Variants in NSD2 observed in about 807,000 individuals in gnomAD.
NSD2 encodes nuclear receptor binding SET domain protein 2.
A neutral mutation model predicts 139.0 loss-of-function variants in NSD2; 12 were observed. The ratio of observed to expected loss-of-function variants is 0.09; its 90% CI spans 0.06 to 0.14. The LOEUF (loss-of-function observed/expected upper bound fraction) is 0.14. Ranked by LOEUF, NSD2 falls within the 10% of genes least tolerant of loss-of-function variation. NSD2 has a pLI of 1.00. For synonymous variants in NSD2, 669 were observed against 648.7 expected, an observed-to-expected ratio of 1.03 and a Z score of -0.48; for missense variants, 1,155 against 1,745.0, an observed-to-expected ratio of 0.66 and a Z score of 6.02.
chr4:1,939,570 C>T, intron 8 of NSD2, 84 bp from the exon 9 acceptor site: 2 of 1,343,574 alleles, frequency 1.5e-6, no homozygotes, highest in Non-Finnish European at 2.1e-6. Flanking sequence ...TTTAGAACTT[C>T]ACTTATTTGA....
At chr4:1,899,144 C>T (rs1253990673) in intron 1 of NSD2, 1 of 152,230 alleles carries the variant, frequency 6.6e-6, no homozygotes, top group Non-Finnish European at 1.5e-5. Flanking sequence ...TTGTCCAGAG[C>T]ACATGAAGCT....
rs569362443 is a variant in NSD2, at chr4:1,893,552, T to G, written c.-29-7074T>G. Reference sequence around the variant, plus strand: ...TCTTTTTTTGTTTTTTGTTTTTTTTTTTTTTTTGTTTTGTTTTGAGACAAG... The same window carrying G: ...TCTTTTTTTGTTTTTTGTTTTTTTTGTTTTTTTGTTTTGTTTTGAGACAAG... On this transcript the variant is annotated intron_variant, in intron 1 of 21. Coordinates refer to ENST00000508803, the MANE Select transcript of NSD2 (RefSeq NM_001042424.3). 5.1e-3 allele frequency among the ~76,000 whole-genome samples: 695 copies of G among 137,002 alleles called. 7 individuals carry two copies. The highest frequency in any genetic ancestry group is 0.017 in the African/African-American group (671 of 39,200). 89.9% of individuals were successfully genotyped at this position (137,002 alleles called of 152,430 possible). A position where few individuals can be genotyped will look rare whatever the true frequency, so the allele number is the denominator to read the frequency against.
rs1723893185 is a variant in NSD2 at position 1,948,668 on chromosome 4, G to T, written c.1882-2404G>T. On this transcript the variant is annotated intron_variant, in intron 9 of 21. Transcript: ENST00000508803. This position sits in a 1 kb window ranked among gnomAD's most constrained non-coding sequence, Gnocchi z 4.5. ...CCTGATCAGGAAATGAGCCTCATGT[G>T]TGTCGTTAACATTTATATATTTCCA... 1.9e-6 allele frequency: 2 copies of T among 1,058,936 alleles called. No individual in the cohort carries two copies. Among genetic ancestry groups the T allele is most frequent in the East Asian group, 1.0e-4 (2 of 19,106 alleles). The allele number at this position is 1,058,936 out of a possible 1,614,324, so 65.6% of individuals were successfully genotyped here.
intron 6 of NSD2, among the ~76,000 whole-genome samples, chr4:1,934,106 A>G (rs1577480569): frequency 6.7e-6 from 1 of 149,898 alleles, no homozygotes; most frequent in East Asian, 2.0e-4. Context: ...TTTTTTTTAG[A>G]CAGAGTTTCG....
At chr4:1,914,745 C>G (rs1028866946) in intron 3 of NSD2, among the ~76,000 whole-genome samples, 8 of 152,304 alleles carry the variant, frequency 5.3e-5, no homozygotes, top group African/African-American at 1.7e-4. Flanking sequence ...CTTCTAGCAT[C>G]CAGAGTTTTT....
At chr4:1,934,860 A>ATAT (rs1722121449) in intron 6 of NSD2, among the ~76,000 whole-genome samples, 1 of 92,216 alleles carries the variant, frequency 1.1e-5, no homozygotes, top group African/African-American at 4.8e-5. Flanking sequence ...AAAAAAAAAA[A>ATAT]AAAAAAAAAA....
At chr4:1,889,294 A>T (rs1470547840) in intron 1 of NSD2, among the ~76,000 whole-genome samples, 1 of 152,030 alleles carries the variant, frequency 6.6e-6, no homozygotes, top group Non-Finnish European at 1.5e-5. Context: ...CTTGGGCTCA[A>T]GCGATCCTCC....
intron 1 of NSD2, among the ~76,000 whole-genome samples, chr4:1,889,111 T>A (rs1219383090): frequency 1.3e-5 from 2 of 151,882 alleles, no homozygotes; most frequent in African/African-American, 4.8e-5. Flanking sequence ...TTGGCCAGGC[T>A]GGTCTGGAAC....
At position 1,942,513 on chromosome 4, in the gene NSD2, G is replaced by A. The variant is rs907388726; in HGVS notation, c.1881+2735G>A. The A allele has an allele frequency of 2.1e-6, 3 of 1,462,768 alleles. No individual in the cohort carries two copies. Among genetic ancestry groups the A allele is most frequent in the Middle Eastern group, 1.8e-4 (1 of 5,476 alleles). 90.6% of individuals were successfully genotyped at this position (1,462,768 alleles called of 1,614,324 possible). A position where few individuals can be genotyped will look rare whatever the true frequency, so the allele number is the denominator to read the frequency against. On this transcript the variant is annotated intron_variant, in intron 9 of 21. Transcript: ENST00000508803. The surrounding 1 kb of genome is among the most constrained non-coding windows in gnomAD (Gnocchi z 4.0). ...GATGTGTGATAATCTGTTTTTACTG[G>A]TATTAATAAACACATACAATGAAGA...
intron 5 of NSD2, among the ~76,000 whole-genome samples, chr4:1,923,651 A>C (rs960758372): frequency 6.6e-6 from 1 of 152,182 alleles, no homozygotes; most frequent in Admixed American, 6.5e-5. Context: ...TTTGAGAGAA[A>C]TTTGGCAAGA....
Position 1,974,793 on chromosome 4 carries a change from GGT to G in NSD2, c.3373-68_3373-67del. On this transcript the variant is annotated intron_variant, in intron 18 of 21. Transcript: ENST00000508803. The surrounding 1 kb of genome is among the most constrained non-coding windows in gnomAD (Gnocchi z 4.0). Reference sequence around the variant, plus strand: ...CAACTTGTTCAATGTGCTTTATGATGGTGAAAATTCCCTTTAAAAATAACATG... The same window carrying G: ...CAACTTGTTCAATGTGCTTTATGATGGAAAATTCCCTTTAAAAATAACATG... The G allele has an allele frequency of 1.9e-6, 3 of 1,601,628 alleles. No homozygotes were observed. Among genetic ancestry groups the G allele is most frequent in the Non-Finnish European group, 1.7e-6 (2 of 1,169,720 alleles).
chr4:1,887,196 T>C (rs895405909), intron 1 of NSD2, among the ~76,000 whole-genome samples: 3 of 152,168 alleles, frequency 2.0e-5, no homozygotes, highest in African/African-American at 7.2e-5. Context: ...TTCTTCCCAG[T>C]GTGGTCTATC....
rs768660174 is a variant in NSD2 at position 1,918,589 on chromosome 4, A to G, written c.1376A>G (p.Gln459Arg). Residue 459 changes from glutamine to arginine, a missense_variant, in exon 5 of 22, where the codon CAG becomes CGG. Around this residue, in one of 8 missense-constraint regions of NSD2, gnomAD observed 420 missense variants for 469.0 expected, o/e 0.90. Coordinates refer to ENST00000508803, the MANE Select transcript of NSD2 (RefSeq NM_001042424.3). ...AGCAGGAAGGGAGATGCAGCATCCC[A>G]GTTTTTGGTCTTCTGTCAAAAACAC... ...PRSRKGDAASQFLVFCQKHRD... is the reference protein window; with the variant it reads ...PRSRKGDAASRFLVFCQKHRD... 2 of 1,613,968 alleles carry G rather than the reference A, an allele frequency of 1.2e-6. No homozygotes were observed. Among genetic ancestry groups the G allele is most frequent in the Middle Eastern group, 1.6e-4 (1 of 6,062 alleles).
chr4:1,932,415 G>T (rs1026116927), intron 6 of NSD2, among the ~76,000 whole-genome samples: 62 of 144,734 alleles, frequency 4.3e-4, no homozygotes, highest in Non-Finnish European at 5.4e-4. Context: ...CTCCAGCCTT[G>T]GCGCCAGAGC....
At chr4:1,923,575 T>G (rs1463999432) in intron 5 of NSD2, among the ~76,000 whole-genome samples, 1 of 152,156 alleles carries the variant, frequency 6.6e-6, no homozygotes, top group African/African-American at 2.4e-5. Context: ...CAGCCAGGGA[T>G]TGAGAAGATG....
At chr4:1,917,666 ACCTCAGGTGATGTGTCTG>A (rs1299237240) in intron 4 of NSD2, among the ~76,000 whole-genome samples, 2 of 151,926 alleles carry the variant, frequency 1.3e-5, no homozygotes, top group Non-Finnish European at 2.9e-5. Context: ...TGGACTCCTG[ACCTCAGGTGATGTGTCTG>A]CCTCAGCCTC....
chr4:1,887,406 C>T (rs1048605028), intron 1 of NSD2: 2 of 152,106 alleles, frequency 1.3e-5, no homozygotes, highest in Non-Finnish European at 2.9e-5. Context: ...AGCTACAGGG[C>T]CAGGCTAGAC....
At chr4:1,949,614 T>A (rs1724001629) in intron 9 of NSD2, among the ~76,000 whole-genome samples, 1 of 151,992 alleles carries the variant, frequency 6.6e-6, no homozygotes, top group Non-Finnish European at 1.5e-5. Context: ...TACAAAAAAT[T>A]TAGCCGGACT....
At chr4:1,929,676 A>G (rs1339175543) in intron 5 of NSD2, among the ~76,000 whole-genome samples, 1 of 152,156 alleles carries the variant, frequency 6.6e-6, no homozygotes, top group Non-Finnish European at 1.5e-5. Flanking sequence ...TTTTTGTGTC[A>G]TGAAATATTA....
Sources: gnomAD v4.1 joint callset for allele counts (sites outside exome capture counted in the v4.1 genomes callset) on GRCh38, gnomAD v4.1.1 for gene constraint, gnomAD v4.1.1 regional missense constraint, Gnocchi (gnomAD v3.1) non-coding constraint, MANE v1.5 for transcripts, NCBI Gene and HGNC (gene_info 2026-07-23, HGNC 2026-07-21) for gene names.